Variants in PVT1 observed in about 807,000 individuals in gnomAD.
PVT1 encodes Pvt1 oncogene.
intron 4 of PVT1, among the ~76,000 whole-genome samples, chr8:128,066,650 C>A (rs1198740632): frequency 6.6e-6 from 1 of 152,160 alleles, no homozygotes; most frequent in Non-Finnish European, 1.5e-5. Context: ...GGAAAGTGGG[C>A]TCTAATGACT....
chr8:127,941,605 C>G (rs536072287), intron 3 of PVT1, among the ~76,000 whole-genome samples: 1 of 152,200 alleles, frequency 6.6e-6, no homozygotes, highest in Non-Finnish European at 1.5e-5. Context: ...TGTCATTACT[C>G]TAGTGGTAGA....
chr8:127,907,996 G>A (rs1228115520), intron 3 of PVT1, among the ~76,000 whole-genome samples: 1 of 152,190 alleles, frequency 6.6e-6, no homozygotes, highest in Non-Finnish European at 1.5e-5. Context: ...CCTGCCTGGA[G>A]TTGGGTTCCT....
At chr8:127,993,224 CT>C (rs1817063912) in intron 4 of PVT1, among the ~76,000 whole-genome samples, 1 of 152,212 alleles carries the variant, frequency 6.6e-6, no homozygotes, top group Admixed American at 6.5e-5. Context: ...ATGTGCCCAA[CT>C]TTTTTTCTTC....
In PVT1 at chr8:128,003,679, T is replaced by A. The variant is rs60594230; in HGVS notation, n.912+14388T>A. Among the ~76,000 whole-genome samples, 381 of 152,362 alleles carry A rather than the reference T, an allele frequency of 2.5e-3. 2 individuals are homozygous for A. The highest frequency in any genetic ancestry group is 8.5e-3 in the African/African-American group (355 of 41,580). ...ATGTCTTTGTTTTCATCCCTGTTAT[T>A]ATAATAATAATATAGGCATTCATAT... is the stretch of plus-strand genomic sequence containing the variant. On this transcript the variant is annotated intron_variant and non_coding_transcript_variant, in intron 4 of 10. Coordinates refer to ENST00000651587, the Ensembl canonical transcript of PVT1.
intron 5 of PVT1, among the ~76,000 whole-genome samples, chr8:128,087,080 A>G (rs2720673): frequency 7.9e-5 from 12 of 152,100 alleles, no homozygotes; most frequent in Non-Finnish European, 2.9e-5. Context: ...GATTGGCAAT[A>G]GTGGAGCATC....
intron 2 of PVT1, among the ~76,000 whole-genome samples, chr8:127,840,702 C>A (rs1563618763): frequency 1.3e-5 from 2 of 152,250 alleles, no homozygotes. Context: ...GCTGGACACA[C>A]AAAAGCTTTC....
intron 2 of PVT1, among the ~76,000 whole-genome samples, chr8:127,852,678 C>A (rs1165440798): frequency 1.3e-5 from 2 of 152,210 alleles, no homozygotes; most frequent in Non-Finnish European, 2.9e-5. Flanking sequence ...GCCCTTGGCA[C>A]ACACTAAGAG....
chr8:127,855,993 T>G (rs1815156104), intron 2 of PVT1, among the ~76,000 whole-genome samples: 1 of 152,232 alleles, frequency 6.6e-6, no homozygotes, highest in African/African-American at 2.4e-5. Context: ...TATATTCAAG[T>G]TCATTCCGTT....
chr8:128,037,102 C>G (rs1292992193), intron 4 of PVT1, among the ~76,000 whole-genome samples: 2 of 151,924 alleles, frequency 1.3e-5, no homozygotes, highest in East Asian at 3.9e-4. Flanking sequence ...CAGATGGAAG[C>G]TCCCCCAGGC....
chr8:127,861,379 C>T (rs892439012), intron 2 of PVT1, among the ~76,000 whole-genome samples: 1 of 152,096 alleles, frequency 6.6e-6, no homozygotes, highest in Non-Finnish European at 1.5e-5. Context: ...GAGGCCAAGG[C>T]GGGTGGATCA....
intron 3 of PVT1, among the ~76,000 whole-genome samples, chr8:127,916,962 C>CAA (rs1815993154): frequency 6.6e-6 from 1 of 152,094 alleles, no homozygotes. Flanking sequence ...TGGAGGCTAC[C>CAA]AAAAGCTTTA....
At chr8:127,859,217 A>G (rs1480211353) in intron 2 of PVT1, among the ~76,000 whole-genome samples, 1 of 151,842 alleles carries the variant, frequency 6.6e-6, no homozygotes, top group African/African-American at 2.4e-5. Flanking sequence ...GACAATTTTG[A>G]TTGTCGGCTT....
At chr8:127,942,935 T>G (rs922651964) in intron 3 of PVT1, among the ~76,000 whole-genome samples, 1 of 152,248 alleles carries the variant, frequency 6.6e-6, no homozygotes, top group Non-Finnish European at 1.5e-5. Flanking sequence ...CCTTAGGATT[T>G]GAGAAATAAA....
At chr8:127,960,940 GGGT>G (rs200898553) in intron 3 of PVT1, among the ~76,000 whole-genome samples, 1,830 of 120,402 alleles carry the variant, frequency 0.015, 68 homozygotes, top group African/African-American at 0.054. Context: ...GTGTGTTTGG[GGGT>G]GGGGGGGGCG....
intron 4 of PVT1, among the ~76,000 whole-genome samples, chr8:128,007,772 G>A (rs1363238609): frequency 1.3e-5 from 2 of 152,206 alleles, no homozygotes; most frequent in Non-Finnish European, 2.9e-5. Flanking sequence ...TAGGTTTGAT[G>A]TACTCCCATC....
chr8:128,091,178 C>A (rs1364440830), intron 5 of PVT1, among the ~76,000 whole-genome samples: 1 of 152,182 alleles, frequency 6.6e-6, no homozygotes, highest in South Asian at 2.1e-4. Flanking sequence ...GGGGCGATCA[C>A]TCCTCTGTTT....
At chr8:127,836,825 T>C (rs981844982) in intron 2 of PVT1, among the ~76,000 whole-genome samples, 2 of 152,044 alleles carry the variant, frequency 1.3e-5, no homozygotes, top group Non-Finnish European at 2.9e-5. Flanking sequence ...GCATATGGCT[T>C]CAGAGTCCAC....
rs1816252914 is a variant in PVT1 at position 127,934,814 on chromosome 8, G to A, written n.782+43816G>A. On this transcript the variant is annotated intron_variant and non_coding_transcript_variant, in intron 3 of 10. Coordinates refer to ENST00000651587, the Ensembl canonical transcript of PVT1. ...TGGTTTTTCGGAGGGCCTGGAGCTGGGCTGGGACTGATCAAATTTGGTAAT... is the reference window on the plus strand; with the variant it reads ...TGGTTTTTCGGAGGGCCTGGAGCTGAGCTGGGACTGATCAAATTTGGTAAT... Among the ~76,000 whole-genome samples the A allele has an allele frequency of 3.9e-5, 6 of 152,110 alleles. 1 individual carries two copies. The highest frequency in any genetic ancestry group is 3.9e-4 in the Admixed American group (6 of 15,264).
intron 3 of PVT1, among the ~76,000 whole-genome samples, chr8:127,979,983 G>A (rs1172460166): frequency 1.3e-5 from 2 of 152,066 alleles, no homozygotes; most frequent in Admixed American, 6.5e-5. Flanking sequence ...GGGCTCAGGC[G>A]ATCCTTCCAC....
Sources: allele counts gnomAD v4.1 joint callset (sites outside exome capture counted in the v4.1 genomes callset), GRCh38; gene constraint gnomAD v4.1.1; transcripts MANE v1.5; gene names NCBI Gene and HGNC (gene_info 2026-07-23, HGNC 2026-07-21).